C2orf76: variants seen among roughly 807,000 people sequenced by gnomAD.
C2orf76 encodes the protein UPF0538 protein C2orf76.
Under a neutral mutation model 16.9 loss-of-function variants are expected in C2orf76, and 23 were observed. That is an observed-to-expected ratio of 1.36 (90% CI 0.98 to 1.93). The LOEUF is 1.93. C2orf76 is among the 30% of genes most tolerant of loss of function. The pLI, the probability that C2orf76 is intolerant of heterozygous loss-of-function variation, is 0.00. For synonymous variants in C2orf76, 48 were observed against 52.3 expected (o/e 0.92, Z 0.35); for missense variants, 152 against 152.6 (o/e 1.00, Z 0.02).
In C2orf76 at chr2:119,339,905, G is replaced by C. The variant is rs535309943; in HGVS notation, c.55C>G (p.Arg19Gly). 6.2e-7 allele frequency: 1 copy of C among 1,613,156 alleles called. No homozygotes were observed. The highest frequency in any genetic ancestry group is 1.3e-5 in the African/African-American group (1 of 75,034). ...TGATACACTACAGGTTTGAAATTGC[G>C]ATGTTCAAAGGAACGGATGAGGCGA... is the stretch of plus-strand genomic sequence containing the variant. ...TVRLIRSFEH[R>G]NFKPVVYHGV... Residue 19 changes from arginine to glycine, a missense_variant, in exon 2 of 6, where the codon CGC (arginine) becomes GGC (glycine). Coordinates refer to ENST00000334816, the MANE Select transcript of C2orf76 (RefSeq NM_001322331.2).
intron 2 of C2orf76, among the ~76,000 whole-genome samples, chr2:119,330,424 G>A (rs1679640725): frequency 6.6e-6 from 1 of 150,862 alleles, no homozygotes; most frequent in African/African-American, 2.4e-5. Flanking sequence ...GAAGTTGGCT[G>A]TCAATTTCAT....
chr2:119,312,756 G>T (rs372202758), intron 4 of C2orf76, among the ~76,000 whole-genome samples: 1 of 151,666 alleles, frequency 6.6e-6, no homozygotes. Context: ...GACTGGGTGC[G>T]GTGGCTCATG....
At chr2:119,312,979 T>A (rs1458240128) in intron 4 of C2orf76, among the ~76,000 whole-genome samples, 1 of 150,114 alleles carries the variant, frequency 6.7e-6, no homozygotes, top group Admixed American at 6.6e-5. Context: ...AGTGAGCTGA[T>A]ATTGCACTAC....
At chr2:119,294,734 T>C in the C2orf76 span, among the ~76,000 whole-genome samples, 1 of 152,104 alleles carries the variant, frequency 6.6e-6, no homozygotes, top group Non-Finnish European at 1.5e-5. Context: ...CGTGAGGACC[T>C]GACTGCAGCT....
downstream of C2orf76, among the ~76,000 whole-genome samples, chr2:119,298,259 G>A (rs1678569376): frequency 6.6e-6 from 1 of 151,944 alleles, no homozygotes; most frequent in Non-Finnish European, 1.5e-5. Context: ...TTCATGTTTA[G>A]TTATTTAACC....
At chr2:119,299,218 G>A (rs750888073), downstream of C2orf76, among the ~76,000 whole-genome samples, 21 of 152,038 alleles carry the variant, frequency 1.4e-4, no homozygotes, top group Admixed American at 2.6e-4. Context: ...GCACCCAGCC[G>A]CAGCCTCTTA....
At chr2:119,346,365 C>T (rs1469569829) in intron 1 of C2orf76, among the ~76,000 whole-genome samples, 1 of 152,090 alleles carries the variant, frequency 6.6e-6, no homozygotes, top group Non-Finnish European at 1.5e-5. Flanking sequence ...ATGTGTAATG[C>T]CCCAAAACTG....
intron 1 of C2orf76, among the ~76,000 whole-genome samples, chr2:119,361,769 C>T (rs1680752326): frequency 6.6e-6 from 1 of 152,004 alleles, no homozygotes; most frequent in African/African-American, 2.4e-5. Flanking sequence ...TGGAATTTAG[C>T]CTCTGAGGAT....
intron 4 of C2orf76, among the ~76,000 whole-genome samples, chr2:119,315,282 T>C (rs536978009): frequency 3.9e-5 from 6 of 152,120 alleles, no homozygotes; most frequent in African/African-American, 1.4e-4. Flanking sequence ...TCTGAGGATA[T>C]GTAGTAACTG....
At chr2:119,342,820 G>A (rs1404890027) in intron 1 of C2orf76, among the ~76,000 whole-genome samples, 1 of 151,948 alleles carries the variant, frequency 6.6e-6, no homozygotes, top group Non-Finnish European at 1.5e-5. Flanking sequence ...GAGTGCGGTG[G>A]TGCCATCTTG....
Position 119,302,229 on chromosome 2 carries a change from T to G in C2orf76, c.*243A>C. On this transcript the variant is annotated 3_prime_UTR_variant, in exon 6 of 6. Coordinates refer to ENST00000334816, the MANE Select transcript of C2orf76 (RefSeq NM_001322331.2). The stretch of plus-strand genomic sequence containing the variant: ...TTAAGAATCAATATTCCACAATAAT[T>G]TTTAATAACAATTTATTTCCCTTTA... 3.2e-6 allele frequency: 1 copy of G among 312,418 alleles called. No homozygotes were observed. Among genetic ancestry groups the G allele is most frequent in the Non-Finnish European group, 5.8e-6 (1 of 171,778 alleles). The allele number at this position is 312,418 out of a possible 1,614,324, so 19.4% of individuals were successfully genotyped here.
intron 2 of C2orf76, among the ~76,000 whole-genome samples, chr2:119,322,520 T>C (rs1479019203): frequency 2.0e-5 from 3 of 152,160 alleles, no homozygotes; most frequent in Non-Finnish European, 2.9e-5. Context: ...AAATTTATTA[T>C]CATAGAACTA....
chr2:119,317,386 A>G, intron 4 of C2orf76, 80 bp downstream of exon 4: 1 of 1,004,550 alleles, frequency 1.0e-6, no homozygotes, highest in South Asian at 1.8e-5. Flanking sequence ...TTAGATGTAC[A>G]TGTATTCATT....
chr2:119,348,757 G>T (rs1680289125), intron 1 of C2orf76, among the ~76,000 whole-genome samples: 1 of 151,992 alleles, frequency 6.6e-6, no homozygotes. Flanking sequence ...CACTTTGGAA[G>T]CCCAAGGTGG....
At chr2:119,338,562 GGAGA>G (rs897219591) in intron 2 of C2orf76, among the ~76,000 whole-genome samples, 1 of 152,194 alleles carries the variant, frequency 6.6e-6, no homozygotes, top group Admixed American at 6.5e-5. Context: ...AGGAGAGAGG[GGAGA>G]GAGTGAGGAA....
In C2orf76 at chr2:119,339,824, TA is replaced by T; in HGVS notation, c.133+2del. On this transcript the variant is annotated splice_donor_variant, in intron 2 of 5. Transcript: ENST00000334816. LOFTEE classifies it high-confidence loss of function. ...AAAACAAAATGGCTTTCACATCTCA[TA>T]CCTTGCTTTAGAAATACGATAAATT... is the stretch of plus-strand genomic sequence containing the variant. 1 of 1,595,374 alleles carries T rather than the reference TA, an allele frequency of 6.3e-7. No homozygotes were observed. The highest frequency in any genetic ancestry group is 8.6e-7 in the Non-Finnish European group (1 of 1,164,536).
At chr2:119,325,817 G>A (rs960478703) in intron 2 of C2orf76, among the ~76,000 whole-genome samples, 3 of 151,740 alleles carry the variant, frequency 2.0e-5, no homozygotes, top group Non-Finnish European at 4.4e-5. Flanking sequence ...AAAGACTAAT[G>A]ATGAGTATTA....
At chr2:119,354,243 C>T (rs191881135) in intron 1 of C2orf76, among the ~76,000 whole-genome samples, 95 of 152,302 alleles carry the variant, frequency 6.2e-4, no homozygotes, top group Non-Finnish European at 1.2e-3. Flanking sequence ...GGCACGGTAG[C>T]TCACGCTTGT....
chr2:119,306,065 C>T lies in C2orf76; in HGVS notation c.305-3517G>A, dbSNP rs373642825. 1.5e-3 allele frequency among the ~76,000 whole-genome samples: 228 copies of T among 152,266 alleles called. 3 individuals carry two copies. The South Asian group carries it at 0.046, about 31-fold the overall frequency. ...CTACAGAGGTTCACTCTGAGTCCTG[C>T]TTCTGGAATCCCCCAGTTTCCTGGG... On this transcript the variant is annotated intron_variant, in intron 5 of 5. Transcript: ENST00000334816.
Sources: gnomAD v4.1 joint callset for allele counts (sites outside exome capture counted in the v4.1 genomes callset) on GRCh38, gnomAD v4.1.1 for gene constraint, MANE v1.5 for transcripts, NCBI Gene and HGNC (gene_info 2026-07-23, HGNC 2026-07-21) for gene names.